DNAH6: variants seen among roughly 807,000 people sequenced by gnomAD.
DNAH6 encodes the protein axonemal beta dynein heavy chain 6.
In DNAH6, 340 loss-of-function variants were observed where a neutral mutation model predicts 491.4. That is an observed-to-expected ratio of 0.69 (90% CI 0.63 to 0.76). The LOEUF is 0.76. Among genes scored for constraint, DNAH6 ranks in the 30% least tolerant of loss-of-function variants. The pLI, the probability that DNAH6 is intolerant of heterozygous loss-of-function variation, is 0.00. For missense variants in DNAH6, 4,443 were observed against 4,972.2 expected (o/e 0.89, Z 3.20); for synonymous variants, 1,603 against 1,686.1 (o/e 0.95, Z 1.21).
the DNAH6 span, among the ~76,000 whole-genome samples, chr2:84,470,809 G>A: frequency 1.3e-5 from 2 of 152,300 alleles, no homozygotes; most frequent in African/African-American, 4.8e-5. Context: ...ACGAAGTCCG[G>A]TGGAGTCAAA....
At chr2:84,488,776 A>G in the DNAH6 span, among the ~76,000 whole-genome samples, 1 of 152,284 alleles carries the variant, frequency 6.6e-6, no homozygotes, top group Non-Finnish European at 1.5e-5. Flanking sequence ...ACATTTACAC[A>G]TTCCAGGATG....
chr2:84,785,432 T>C (rs942980497), intron 66 of DNAH6, among the ~76,000 whole-genome samples, 178 bp from the exon 67 acceptor site: 1 of 152,208 alleles, frequency 6.6e-6, no homozygotes, highest in Non-Finnish European at 1.5e-5. Flanking sequence ...CTATTCTCCC[T>C]GGACTGTGCC....
intron 42 of DNAH6, among the ~76,000 whole-genome samples, chr2:84,683,407 C>CTCT (rs1693983090): frequency 8.8e-6 from 1 of 114,228 alleles, no homozygotes; most frequent in African/African-American, 3.3e-5. Flanking sequence ...TTCTACACCA[C>CTCT]TCTTATTTTT....
chr2:84,748,835 C>T lies in DNAH6; in HGVS notation c.10512+3586C>T, dbSNP rs150460593. 1.3e-5 allele frequency among the ~76,000 whole-genome samples: 2 copies of T among 152,292 alleles called. 1 individual carries two copies. Among genetic ancestry groups the T allele is most frequent in the East Asian group, 3.9e-4 (2 of 5,190 alleles). ...TGGATAATTTATAAAGAAAAGAAGTCCATTGGGCTCACAGTTCTGCAAGCT... is the reference window on the plus strand; with the variant it reads ...TGGATAATTTATAAAGAAAAGAAGTTCATTGGGCTCACAGTTCTGCAAGCT... On this transcript the variant is annotated intron_variant, in intron 63 of 76. Transcript: ENST00000389394.
chr2:84,777,586 A>G (rs1676264244), intron 64 of DNAH6: 2 of 794,454 alleles, frequency 2.5e-6, no homozygotes, highest in Non-Finnish European at 4.6e-6. Context: ...ACTTATCTGT[A>G]TCAGTCCCTA....
At chr2:84,650,933 C>A (rs72922773) in intron 33 of DNAH6, among the ~76,000 whole-genome samples, 2,059 of 152,220 alleles carry the variant, frequency 0.014, 43 homozygotes, top group African/African-American at 0.046. Context: ...TGATGCCACA[C>A]CAGCAAGAGA....
intron 37 of DNAH6, among the ~76,000 whole-genome samples, chr2:84,663,231 A>T (rs1431654128): frequency 1.4e-4 from 22 of 152,344 alleles, no homozygotes; most frequent in Middle Eastern, 6.8e-3. Context: ...AGAAATCTGG[A>T]TGGAGAATGA....
At chr2:84,497,703 C>T in the DNAH6 span, among the ~76,000 whole-genome samples, 1 of 152,140 alleles carries the variant, frequency 6.6e-6, no homozygotes, top group Non-Finnish European at 1.5e-5. Flanking sequence ...AAGCTCAGAA[C>T]ATTAGTATGA....
the DNAH6 span, among the ~76,000 whole-genome samples, chr2:84,508,195 C>T: frequency 3.3e-5 from 5 of 152,144 alleles, no homozygotes; most frequent in African/African-American, 1.2e-4. Context: ...TCCGTCTGGT[C>T]CTGGACTTTT....
intron 18 of DNAH6, among the ~76,000 whole-genome samples, chr2:84,598,897 G>A (rs145888975): frequency 7.1e-4 from 108 of 152,218 alleles, no homozygotes; most frequent in Admixed American, 1.4e-3. Context: ...GGGCGTGGTG[G>A]CTTGTGCCTG....
Position 84,518,023 on chromosome 2 carries a change from G to T in DNAH6, c.197G>T (p.Arg66Leu). 6.5e-7 allele frequency: 1 copy of T among 1,550,050 alleles called. No individual in the cohort carries two copies. The highest frequency in any genetic ancestry group is 1.2e-5 in the South Asian group (1 of 83,308). The change falls in exon 2 of 77, where the codon CGA becomes CTA. Residue 66 changes from arginine to leucine, a missense_variant. This residue lies in a region of DNAH6 where 2,977 missense variants were observed against 3,296.6 expected (regional missense o/e 0.90). Coordinates refer to ENST00000389394, the MANE Select transcript of DNAH6 (RefSeq NM_001370.2). ...ITKAQEKTRK[R>L]QQPIKLEPLP... ...AAAGCTCAGGAGAAGACAAGAAAAC[G>T]ACAGCAGCCTATAAAACTAGAGCCT...
intron 70 of DNAH6, among the ~76,000 whole-genome samples, chr2:84,800,920 A>T (rs1383793852): frequency 6.6e-6 from 1 of 152,016 alleles, no homozygotes; most frequent in Admixed American, 6.5e-5. Context: ...GCAGCCATAA[A>T]ACATGATGAG....
chr2:84,768,094 A>G (rs2105161556), intron 64 of DNAH6, among the ~76,000 whole-genome samples: 1 of 152,272 alleles, frequency 6.6e-6, no homozygotes, highest in South Asian at 2.1e-4. Context: ...TAAATTAAGC[A>G]GAATAATGGA....
the DNAH6 span, among the ~76,000 whole-genome samples, chr2:84,470,839 T>A: frequency 6.6e-6 from 1 of 151,810 alleles, no homozygotes; most frequent in African/African-American, 2.4e-5. Flanking sequence ...AAAAGACAGT[T>A]TGAGAGAGAA....
chr2:84,785,179 G>T (rs998230832), intron 66 of DNAH6, among the ~76,000 whole-genome samples: 1 of 152,204 alleles, frequency 6.6e-6, no homozygotes, highest in Non-Finnish European at 1.5e-5. Context: ...GGAAGTTTAT[G>T]ATCTGTGGCA....
intron 33 of DNAH6, among the ~76,000 whole-genome samples, chr2:84,642,640 G>T (rs1689528154): frequency 6.7e-6 from 1 of 150,240 alleles, no homozygotes; most frequent in African/African-American, 2.5e-5. Context: ...TTCAGTGGTT[G>T]CCCTAGATTT....
chr2:84,705,458 C>T (rs1696338901), intron 51 of DNAH6, 28 bp from the exon 52 acceptor site: 1 of 1,504,896 alleles, frequency 6.6e-7, no homozygotes, highest in African/African-American at 1.4e-5. Flanking sequence ...CATTTCAGTG[C>T]CATTAATATA....
chr2:84,587,070 C>A (rs911712281), intron 15 of DNAH6, among the ~76,000 whole-genome samples: 1 of 152,056 alleles, frequency 6.6e-6, no homozygotes, highest in Non-Finnish European at 1.5e-5. Context: ...AGGCCTAGTA[C>A]CCAATAGATA....
intron 64 of DNAH6, chr2:84,777,815 T>G: frequency 8.7e-7 from 1 of 1,149,620 alleles, no homozygotes; most frequent in Non-Finnish European, 1.3e-6. Flanking sequence ...CCAAGCCACA[T>G]AGGTCAAGAT....
Sources: allele counts gnomAD v4.1 joint callset (sites outside exome capture counted in the v4.1 genomes callset), GRCh38; gene constraint gnomAD v4.1.1; regional missense constraint gnomAD v4.1.1; transcripts MANE v1.5; gene names NCBI Gene and HGNC (gene_info 2026-07-23, HGNC 2026-07-21).